The following MAGT1 variants were observed in gnomAD, a reference collection of about 807,000 sequenced individuals.
The protein encoded by MAGT1 is dolichyl-diphosphooligosaccharide--protein glycosyltransferase subunit MAGT1.
Under a neutral mutation model 28.4 loss-of-function variants are expected in MAGT1, and 4 were observed. The ratio of observed to expected loss-of-function variants is 0.14; its 90% confidence interval spans 0.07 to 0.32. The LOEUF (loss-of-function observed/expected upper bound fraction) is 0.32, where lower values mean the gene tolerates loss of function less well. Ranked by LOEUF, MAGT1 falls within the 10% of genes least tolerant of loss-of-function variation. MAGT1 has a pLI of 1.00. For missense variants in MAGT1, 193 were observed against 264.5 expected, an observed-to-expected ratio of 0.73 and a Z score of 1.88; for synonymous variants, 89 against 89.7, an observed-to-expected ratio of 0.99 and a Z score of 0.04.
chrX:77,875,513 G>A lies in MAGT1; in HGVS notation c.187C>T (p.Arg63Cys). 8.3e-7 allele frequency: 1 copy of A among 1,201,454 alleles called. No individual in the cohort carries two copies. The highest frequency in any genetic ancestry group is 1.1e-6 in the Non-Finnish European group (1 of 890,029). The change falls in exon 2 of 10, where the codon CGC becomes TGC. Residue 63 changes from arginine (R) to cysteine (C), a missense_variant. Transcript: ENST00000618282. ...TTTCTCGGTGGGGCTTTCACAAGGC[G>A]ACGGAACTTGTCTCCATTCATTCTT... ...VIRMNGDKFRRLVKAPPRNYS... is the reference protein window; with the variant it reads ...VIRMNGDKFRCLVKAPPRNYS...
chrX:77,872,433 T>C (rs1440120094), intron 2 of MAGT1, among the ~76,000 whole-genome samples: 1 of 112,238 alleles, frequency 8.9e-6, no homozygotes, highest in Non-Finnish European at 1.9e-5. Context: ...TGCTTTCTTA[T>C]TACCTTCAGA....
At chrX:77,869,008 A>C (rs782513272) in intron 3 of MAGT1, among the ~76,000 whole-genome samples, 1 of 111,900 alleles carries the variant, frequency 8.9e-6, no homozygotes, top group South Asian at 3.7e-4. Context: ...TGAAACCATA[A>C]AAATTCTAGA....
chrX:77,844,796 G>A (rs1463224919), intron 7 of MAGT1, among the ~76,000 whole-genome samples: 7 of 111,668 alleles, frequency 6.3e-5, no homozygotes, highest in Admixed American at 1.9e-4. Flanking sequence ...TGATTGCACC[G>A]TGGTCTGAGA....
intron 7 of MAGT1, among the ~76,000 whole-genome samples, chrX:77,844,070 C>A (rs1557214657): frequency 9.0e-6 from 1 of 111,392 alleles, no homozygotes; most frequent in Non-Finnish European, 1.9e-5. Context: ...GTGAATCCAT[C>A]TGGTCCTGGA....
intron 7 of MAGT1, among the ~76,000 whole-genome samples, chrX:77,846,213 A>C (rs1410483500): frequency 9.0e-6 from 1 of 111,697 alleles, no homozygotes; most frequent in Non-Finnish European, 1.9e-5. Flanking sequence ...CCTTTCTTCC[A>C]GCTGATCGAA....
In MAGT1 at chrX:77,877,877, T is replaced by C. The variant is rs781799889; in HGVS notation, c.103-2280A>G. On this transcript the variant is annotated intron_variant, in intron 1 of 9. Coordinates refer to ENST00000618282, the MANE Select transcript of MAGT1 (RefSeq NM_001367916.1). ...TAAAATAAAATAAAATAAAATATAC[T>C]GACAATATCAAATGCTGGTGAGGAT... is the stretch of plus-strand genomic sequence containing the variant. Among the ~76,000 whole-genome samples, 18 of 101,045 alleles carry C rather than the reference T, an allele frequency of 1.8e-4. No homozygotes were observed. The South Asian group carries it at 7.9e-3, about 44-fold the overall frequency. The allele number at this position is 101,045 out of a possible 115,157, so 87.7% of individuals were successfully genotyped here. A position where few individuals can be genotyped will look rare whatever the true frequency, so the allele number is the denominator to read the frequency against.
Position 77,869,343 on chromosome X carries a change from C to T in MAGT1, c.390+1465G>A, listed in dbSNP as rs1273394069. 8.1e-5 allele frequency among the ~76,000 whole-genome samples: 9 copies of T among 111,267 alleles called. No individual in the cohort carries two copies. In the Admixed American group the frequency reaches 8.7e-4, roughly 11 times the overall value. On this transcript the variant is annotated intron_variant, in intron 3 of 9. Coordinates refer to ENST00000618282, the MANE Select transcript of MAGT1 (RefSeq NM_001367916.1). ...AAACTCTTCCAGACATTGGCTTAGG[C>T]AAAGAATTCATGGCTAAGACCCCAA...
At chrX:77,881,756 T>A (rs2077053400) in intron 1 of MAGT1, among the ~76,000 whole-genome samples, 1 of 111,361 alleles carries the variant, frequency 9.0e-6, no homozygotes, top group African/African-American at 3.3e-5. Flanking sequence ...GCAGCATGAT[T>A]TATATTCCTT....
intron 7 of MAGT1, among the ~76,000 whole-genome samples, chrX:77,846,997 C>T (rs1341785813): frequency 8.9e-6 from 1 of 112,098 alleles, no homozygotes; most frequent in East Asian, 2.8e-4. Flanking sequence ...GAGGTTTCTG[C>T]TGCCTTTTGT....
Position 77,855,526 on chromosome X carries a change from T to A in MAGT1, c.737A>T (p.His246Leu), listed in dbSNP as rs1286717480. 1 of 1,205,612 alleles carries A rather than the reference T, an allele frequency of 8.3e-7. No homozygotes were observed. Among genetic ancestry groups the A allele is most frequent in the Non-Finnish European group, 1.1e-6 (1 of 891,674 alleles). The change falls in exon 6 of 10, where the codon CAT (histidine) becomes CTT (leucine). Residue 246 changes from histidine (H) to leucine (L), a missense_variant. By Grantham distance (99) the His-to-Leu change is moderately conservative. Transcript: ENST00000618282. ...WNHIRGPPYA[H>L]KNPHTGHVNY... ...CACATGTCCCGTGTGGGGATTCTTA[T>A]GGGCATATGGTGGTCCTCTTATATG...
chrX:77,880,225 G>A (rs1238174358), intron 1 of MAGT1, among the ~76,000 whole-genome samples: 1 of 109,526 alleles, frequency 9.1e-6, no homozygotes, highest in Non-Finnish European at 1.9e-5. Flanking sequence ...ATGGAAAAAA[G>A]CTGCATAAAA....
rs1255204960 is a variant in MAGT1 at position 77,827,236 on chromosome X, A to G, written c.*1984T>C. On this transcript the variant is annotated 3_prime_UTR_variant, in exon 10 of 10. Transcript: ENST00000618282. ...AGAAATTTGGTTAGCACATATGGTT[A>G]TTTCTACTGACAGAAACCAAAAGAC... 9.0e-6 allele frequency: 1 copy of G among 111,600 alleles called. No homozygotes were observed. The highest frequency in any genetic ancestry group is 1.9e-5 in the Non-Finnish European group (1 of 53,188). 9.2% of individuals were successfully genotyped at this position (111,600 alleles called of 1,213,427 possible). A position where few individuals can be genotyped will look rare whatever the true frequency, so the allele number is the denominator to read the frequency against.
chrX:77,889,317 G>A (rs112345675), intron 1 of MAGT1, among the ~76,000 whole-genome samples: 5 of 101,650 alleles, frequency 4.9e-5, no homozygotes, highest in African/African-American at 1.8e-4. Flanking sequence ...ATTTTTGTGG[G>A]TACATAGTAG....
intron 3 of MAGT1, among the ~76,000 whole-genome samples, chrX:77,863,555 C>A (rs950748235): frequency 8.9e-4 from 97 of 108,860 alleles, no homozygotes; most frequent in Non-Finnish European, 1.5e-3. Context: ...TCCCAAGAAA[C>A]TAAAAATAGA....
intron 7 of MAGT1, among the ~76,000 whole-genome samples, chrX:77,845,136 G>A (rs1158635816): frequency 9.0e-6 from 1 of 111,251 alleles, no homozygotes; most frequent in Non-Finnish European, 1.9e-5. Flanking sequence ...TCCTGTATTG[G>A]GTGCATATAT....
intron 1 of MAGT1, among the ~76,000 whole-genome samples, chrX:77,894,187 G>A (rs1603365890): frequency 1.8e-5 from 2 of 111,955 alleles, no homozygotes; most frequent in Non-Finnish European, 3.8e-5. Context: ...TCCTCCCAAA[G>A]AAGGACATCA....
intron 2 of MAGT1, among the ~76,000 whole-genome samples, chrX:77,871,491 T>C (rs781918606): frequency 1.8e-5 from 2 of 111,561 alleles, no homozygotes; most frequent in African/African-American, 6.5e-5. Flanking sequence ...GTGGATCACC[T>C]GAGGTCAGGA....
At position 77,857,629 on chromosome X, in the gene MAGT1, C is replaced by A. The variant is rs2076984684; in HGVS notation, c.391-132G>T. On this transcript the variant is annotated intron_variant, in intron 3 of 9. Coordinates refer to ENST00000618282, the MANE Select transcript of MAGT1 (RefSeq NM_001367916.1). ...TAGGTAGGTTAAGTGATTTGGTTTG[C>A]CCAAGGAAAGTGGTAAGTGGTGGAG... The A allele has an allele frequency of 1.2e-5, 10 of 806,948 alleles. No homozygotes were observed. The Admixed American group carries it at 1.3e-4, about 10-fold the overall frequency. 66.5% of individuals were successfully genotyped at this position (806,948 alleles called of 1,213,427 possible).
intron 1 of MAGT1, among the ~76,000 whole-genome samples, chrX:77,878,073 G>A (rs1258705133): frequency 1.0e-4 from 11 of 104,898 alleles, no homozygotes; most frequent in Non-Finnish European, 2.1e-4. Flanking sequence ...CTTGAGGTCA[G>A]GAGTTCAAGA....
Sources: allele counts gnomAD v4.1 joint callset (sites outside exome capture counted in the v4.1 genomes callset), GRCh38; gene constraint gnomAD v4.1.1; transcripts MANE v1.5; gene names NCBI Gene and HGNC (gene_info 2026-07-23, HGNC 2026-07-21).